EYS: variants seen among roughly 807,000 people sequenced by gnomAD.
EYS encodes the protein EGF-like photoreceptor maintenance factor.
Under a neutral mutation model 282.1 loss-of-function variants are expected in EYS, and 250 were observed. The observed-to-expected ratio is 0.89, with a 90% CI of 0.80 to 0.98. The LOEUF (loss-of-function observed/expected upper bound fraction) is 0.98. Ranked by LOEUF, EYS falls within the 50% of genes least tolerant of loss-of-function variation. The probability of loss-of-function intolerance (pLI) is 0.00; values close to 1 mark genes in which losing one functional copy is unlikely to be tolerated. For missense variants in EYS, 4,016 were observed against 3,709.0 expected, an observed-to-expected ratio of 1.08 and a Z score of -2.15; for synonymous variants, 1,355 against 1,282.9, an observed-to-expected ratio of 1.06 and a Z score of -1.20.
At chr6:64,812,631 C>T (rs941850266) in intron 22 of EYS, among the ~76,000 whole-genome samples, 1 of 151,788 alleles carries the variant, frequency 6.6e-6, no homozygotes, top group African/African-American at 2.4e-5. Context: ...AACTATATAT[C>T]AAGATATACA....
At chr6:64,649,123 T>G (rs1225890904) in intron 22 of EYS, among the ~76,000 whole-genome samples, 2 of 152,156 alleles carry the variant, frequency 1.3e-5, no homozygotes, top group African/African-American at 4.8e-5. Context: ...TACAAGCATT[T>G]TTTTGCTCTT....
At chr6:64,611,169 G>T (rs1208862860) in intron 24 of EYS, among the ~76,000 whole-genome samples, 2 of 151,916 alleles carry the variant, frequency 1.3e-5, no homozygotes, top group East Asian at 1.9e-4. Context: ...TTTTTTTGTT[G>T]TTTGTGGTAA....
intron 2 of EYS, among the ~76,000 whole-genome samples, chr6:65,537,273 C>T (rs1260327278): frequency 6.6e-6 from 1 of 152,038 alleles, no homozygotes; most frequent in Non-Finnish European, 1.5e-5. Context: ...GTGCAGCAAA[C>T]CAACATGGCA....
At chr6:63,915,048 A>G (rs564133189) in intron 35 of EYS, among the ~76,000 whole-genome samples, 2 of 152,324 alleles carry the variant, frequency 1.3e-5, no homozygotes, top group South Asian at 4.1e-4. Flanking sequence ...GCTACACTAA[A>G]CAATAGATTT....
chr6:64,632,418 T>C (rs1767813832), intron 22 of EYS, among the ~76,000 whole-genome samples: 1 of 152,118 alleles, frequency 6.6e-6, no homozygotes, highest in Admixed American at 6.5e-5. Flanking sequence ...GGATATTACT[T>C]CTGCTTAATT....
chr6:65,547,542 T>C (rs552384588), intron 2 of EYS, among the ~76,000 whole-genome samples: 2 of 152,264 alleles, frequency 1.3e-5, no homozygotes, highest in South Asian at 4.1e-4. Flanking sequence ...CATGCCTACT[T>C]TTAATATTAG....
At chr6:64,609,435 GC>G (rs1020000067) in intron 24 of EYS, among the ~76,000 whole-genome samples, 1 of 152,146 alleles carries the variant, frequency 6.6e-6, no homozygotes, top group African/African-American at 2.4e-5. Context: ...TAAATAGGGG[GC>G]TACAGTACAG....
At chr6:64,195,196 T>A (rs963397574) in intron 31 of EYS, among the ~76,000 whole-genome samples, 22 of 152,222 alleles carry the variant, frequency 1.4e-4, no homozygotes, top group Non-Finnish European at 1.3e-4. Context: ...ATCATTTAAG[T>A]TTTTCTTTAG....
intron 2 of EYS, among the ~76,000 whole-genome samples, chr6:65,560,386 G>T (rs1582456808): frequency 6.9e-6 from 1 of 144,102 alleles, no homozygotes; most frequent in South Asian, 2.2e-4. Context: ...ATTATATATT[G>T]TATATAATAT....
chr6:65,179,167 C>G (rs1257686982), intron 12 of EYS, among the ~76,000 whole-genome samples: 2 of 151,678 alleles, frequency 1.3e-5, no homozygotes, highest in African/African-American at 4.8e-5. Flanking sequence ...GAAGCAAGAG[C>G]AAACACCTTC....
intron 18 of EYS, among the ~76,000 whole-genome samples, chr6:64,887,831 T>C (rs955808534): frequency 2.0e-5 from 3 of 152,068 alleles, no homozygotes; most frequent in Admixed American, 2.0e-4. Context: ...ACATGTCAAT[T>C]GAGACAGGTC....
rs1177264684 is a variant in EYS at position 64,617,005 on chromosome 6, C to T, written c.3684+413G>A. The stretch of plus-strand genomic sequence containing the variant: ...GTTCAAACTTGCTGAGGAAGCAGAT[C>T]CGTCCTCCTCGGACATACAATATGC... On this transcript the variant is annotated intron_variant, in intron 24 of 42. Coordinates refer to ENST00000503581, the MANE Select transcript of EYS (RefSeq NM_001142800.2). Among the ~76,000 whole-genome samples the T allele has an allele frequency of 2.0e-5, 3 of 152,108 alleles. No individual in the cohort carries two copies. The East Asian group carries it at 5.8e-4, about 29-fold the overall frequency.
At chr6:64,112,466 C>A (rs1773236483) in intron 31 of EYS, among the ~76,000 whole-genome samples, 1 of 151,674 alleles carries the variant, frequency 6.6e-6, no homozygotes, top group African/African-American at 2.4e-5. Context: ...TACAAAGTGA[C>A]ATTATAGTAT....
chr6:65,572,044 C>T (rs1764493658), intron 2 of EYS, among the ~76,000 whole-genome samples: 1 of 151,978 alleles, frequency 6.6e-6, no homozygotes, highest in Non-Finnish European at 1.5e-5. Flanking sequence ...AAAATCTTCT[C>T]TGGTGAATAT....
intron 32 of EYS, among the ~76,000 whole-genome samples, chr6:64,067,472 T>G (rs1010608644): frequency 1.3e-5 from 2 of 152,162 alleles, no homozygotes; most frequent in African/African-American, 4.8e-5. Flanking sequence ...TTCCTATTAG[T>G]GGAATCATAT....
chr6:64,470,215 G>A lies in EYS; in HGVS notation c.5645-30863C>T, dbSNP rs183977138. ...CTTTGTCTTGTGTCTTTATTTCTAC[G>A]CTCTCTTGTCTCCACACACAGCGAA... On this transcript the variant is annotated intron_variant, in intron 26 of 42. Transcript: ENST00000503581. Among the ~76,000 whole-genome samples, 202 of 152,028 alleles carry A rather than the reference G, an allele frequency of 1.3e-3. 1 individual carries two copies. Among genetic ancestry groups the A allele is most frequent in the African/African-American group, 4.6e-3 (192 of 41,432 alleles).
intron 33 of EYS, among the ~76,000 whole-genome samples, chr6:64,027,306 C>T (rs1359657588): frequency 1.3e-5 from 2 of 152,176 alleles, no homozygotes; most frequent in African/African-American, 2.4e-5. Flanking sequence ...ATCCTTCTGC[C>T]TTCCTCAAGT....
Position 65,123,133 on chromosome 6 carries a change from T to A in EYS, c.2024-65406A>T, listed in dbSNP as rs145922922. Among the ~76,000 whole-genome samples the A allele has an allele frequency of 2.9e-3, 442 of 152,236 alleles. 16 individuals are homozygous for A. The highest frequency in any genetic ancestry group is 0.026 in the Admixed American group (401 of 15,280). ...CCAAAGAGACTTCTTGACTAATTGC[T>A]ACGTAAACATCCTTTCTTCGACTGG... On this transcript the variant is annotated intron_variant, in intron 12 of 42. Transcript: ENST00000503581.
At chr6:65,475,885 A>C (rs1765386597) in intron 5 of EYS, among the ~76,000 whole-genome samples, 1 of 152,090 alleles carries the variant, frequency 6.6e-6, no homozygotes, top group Non-Finnish European at 1.5e-5. Flanking sequence ...GACTCAGAAA[A>C]TAATAAATAA....
Sources: gnomAD v4.1 joint callset for allele counts (sites outside exome capture counted in the v4.1 genomes callset) on GRCh38, gnomAD v4.1.1 for gene constraint, MANE v1.5 for transcripts, NCBI Gene and HGNC (gene_info 2026-07-23, HGNC 2026-07-21) for gene names.